SIPA1L1: variants seen among roughly 807,000 people sequenced by gnomAD.
SIPA1L1 encodes the protein signal-induced proliferation-associated 1-like protein 1.
A neutral mutation model predicts 162.7 loss-of-function variants in SIPA1L1; 26 were observed. The observed-to-expected ratio is 0.16, with a 90% CI of 0.12 to 0.22. The LOEUF (loss-of-function observed/expected upper bound fraction) is 0.22, where lower values mean the gene tolerates loss of function less well. Among genes scored for constraint, SIPA1L1 ranks in the 10% least tolerant of loss-of-function variants. SIPA1L1 has a pLI of 1.00. For synonymous variants in SIPA1L1, 829 were observed against 837.4 expected, an observed-to-expected ratio of 0.99 and a Z score of 0.17; for missense variants, 1,874 against 2,241.0, an observed-to-expected ratio of 0.84 and a Z score of 3.31.
chr14:71,524,335 G>C (rs2052651495), intron 3 of SIPA1L1, among the ~76,000 whole-genome samples: 1 of 152,142 alleles, frequency 6.6e-6, no homozygotes, highest in Non-Finnish European at 1.5e-5. Context: ...GTTATGTTAT[G>C]TATTCCTAAT....
chr14:71,384,374 G>T (rs1334206158), intron 2 of SIPA1L1, among the ~76,000 whole-genome samples: 1 of 152,224 alleles, frequency 6.6e-6, no homozygotes, highest in Non-Finnish European at 1.5e-5. Context: ...TTTGGGGCTT[G>T]GCCTTGAAGG....
intron 2 of SIPA1L1, among the ~76,000 whole-genome samples, chr14:71,491,853 A>G (rs1272768374): frequency 7.1e-6 from 1 of 140,568 alleles, no homozygotes; most frequent in Non-Finnish European, 1.5e-5. Flanking sequence ...TGGCATTTGT[A>G]GGCTACATTT....
intron 10 of SIPA1L1, among the ~76,000 whole-genome samples, chr14:71,666,817 A>G (rs1204994478): frequency 1.3e-5 from 2 of 151,258 alleles, no homozygotes; most frequent in Non-Finnish European, 2.9e-5. Context: ...GGCAGGGAGG[A>G]AGCGTGATGC....
chr14:71,612,520 C>G (rs2038346567), intron 5 of SIPA1L1, among the ~76,000 whole-genome samples: 1 of 152,108 alleles, frequency 6.6e-6, no homozygotes, highest in South Asian at 2.1e-4. Context: ...ACTTGTAAAA[C>G]TATATTTTTA....
intron 13 of SIPA1L1, among the ~76,000 whole-genome samples, chr14:71,698,099 G>C (rs142184515): frequency 2.6e-5 from 4 of 152,198 alleles, no homozygotes; most frequent in African/African-American, 9.6e-5. Flanking sequence ...CCTGCTACAA[G>C]TAGTCGAGTG....
intron 2 of SIPA1L1, among the ~76,000 whole-genome samples, chr14:71,512,260 A>G (rs1387754194): frequency 6.6e-6 from 1 of 152,138 alleles, no homozygotes; most frequent in Non-Finnish European, 1.5e-5. Flanking sequence ...CTCTCTCTAA[A>G]TCATAAAATC....
At chr14:71,391,103 C>CTTTTTTTTTTTTTTTTT (rs36003254) in intron 2 of SIPA1L1, among the ~76,000 whole-genome samples, 40 of 108,456 alleles carry the variant, frequency 3.7e-4, no homozygotes, top group Non-Finnish European at 5.9e-4. Flanking sequence ...TATTCAGTAT[C>CTTTTTTTTTTTTTTTTT]TTTTTTTTTT....
intron 2 of SIPA1L1, among the ~76,000 whole-genome samples, chr14:71,441,798 T>C (rs2044877955): frequency 6.6e-6 from 1 of 152,196 alleles, no homozygotes; most frequent in African/African-American, 2.4e-5. Context: ...TAAAACTTTT[T>C]TTGATATGTT....
chr14:71,729,349 T>C (rs1195168452), intron 19 of SIPA1L1, among the ~76,000 whole-genome samples: 1 of 152,234 alleles, frequency 6.6e-6, no homozygotes, highest in Non-Finnish European at 1.5e-5. Flanking sequence ...CCTATTCTTA[T>C]TTCATGAATA....
chr14:71,619,252 A>G (rs1195625436), intron 6 of SIPA1L1, among the ~76,000 whole-genome samples: 4 of 152,184 alleles, frequency 2.6e-5, no homozygotes, highest in African/African-American at 9.7e-5. Flanking sequence ...GATATTAGAT[A>G]TAAGAGAAGG....
In SIPA1L1 at chr14:71,596,469, C is replaced by T. The variant is rs2036042790; in HGVS notation, c.1498+7099C>T. 2.0e-5 allele frequency among the ~76,000 whole-genome samples: 3 copies of T among 152,054 alleles called. No homozygotes were observed. The South Asian group carries it at 6.2e-4, about 32-fold the overall frequency. On this transcript the variant is annotated intron_variant, in intron 5 of 23. Coordinates refer to ENST00000381232, the MANE Select transcript of SIPA1L1 (RefSeq NM_001386936.1). ...CTAGAAGGGAAATCAGAGTGTTGCA[C>T]CAACATACAAAAATGTATTATCCAA...
At chr14:71,721,979 C>G (rs1457715436) in intron 17 of SIPA1L1, among the ~76,000 whole-genome samples, 1 of 152,230 alleles carries the variant, frequency 6.6e-6, no homozygotes, top group African/African-American at 2.4e-5. Context: ...CAGAGCTGGT[C>G]TAAATGCTCT....
At chr14:71,531,297 C>T (rs957820299) in intron 4 of SIPA1L1, among the ~76,000 whole-genome samples, 2 of 150,070 alleles carry the variant, frequency 1.3e-5, no homozygotes, top group African/African-American at 4.9e-5. Context: ...ACAAAATTTA[C>T]TTCTTTTTTT....
chr14:71,662,751 AC>A (rs2043643553), intron 10 of SIPA1L1, among the ~76,000 whole-genome samples: 2 of 152,186 alleles, frequency 1.3e-5, no homozygotes, highest in Admixed American at 6.5e-5. Flanking sequence ...TTGGGGCAGA[AC>A]CCCCAACAAT....
chr14:71,699,237 G>A (rs1034806765), intron 14 of SIPA1L1, 110 bp downstream of exon 14: 3 of 1,090,116 alleles, frequency 2.8e-6, no homozygotes, highest in Admixed American at 2.3e-5. Flanking sequence ...TCAATTTGTA[G>A]ACAAACAAAA....
chr14:71,528,017 A>C (rs2145202869), intron 3 of SIPA1L1, among the ~76,000 whole-genome samples: 1 of 152,234 alleles, frequency 6.6e-6, no homozygotes, highest in Non-Finnish European at 1.5e-5. Context: ...TCCCCAGAGT[A>C]GTTGGGATTA....
chr14:71,495,356 C>T (rs1363388904), intron 2 of SIPA1L1, among the ~76,000 whole-genome samples: 3 of 151,638 alleles, frequency 2.0e-5, no homozygotes, highest in Non-Finnish European at 4.4e-5. Context: ...TTATTTATGT[C>T]TCTCTAGGAA....
At chr14:71,544,044 C>G (rs751772562) in intron 4 of SIPA1L1, among the ~76,000 whole-genome samples, 1 of 145,994 alleles carries the variant, frequency 6.8e-6, no homozygotes, top group Non-Finnish European at 1.5e-5. Flanking sequence ...TATATACACA[C>G]GCACGCACAT....
intron 2 of SIPA1L1, among the ~76,000 whole-genome samples, chr14:71,378,510 A>G (rs2039614149): frequency 6.6e-6 from 1 of 152,208 alleles, no homozygotes; most frequent in Non-Finnish European, 1.5e-5. Flanking sequence ...TGTTGTGGTC[A>G]GAGAATATTT....
Sources: allele counts gnomAD v4.1 joint callset (sites outside exome capture counted in the v4.1 genomes callset), GRCh38; gene constraint gnomAD v4.1.1; transcripts MANE v1.5; gene names NCBI Gene and HGNC (gene_info 2026-07-23, HGNC 2026-07-21).